Variants in B4GALT5 observed in about 807,000 individuals in gnomAD.
The protein encoded by B4GALT5 is beta-1,4-galactosyltransferase 5.
A neutral mutation model predicts 45.0 loss-of-function variants in B4GALT5; 11 were observed. The observed-to-expected ratio is 0.24, with a 90% CI of 0.15 to 0.40. The LOEUF (loss-of-function observed/expected upper bound fraction) is 0.40. Among genes scored for constraint, B4GALT5 ranks in the 10% least tolerant of loss-of-function variants. The pLI, the probability that B4GALT5 is intolerant of heterozygous loss-of-function variation, is 1.00. For missense variants in B4GALT5, 337 were observed against 500.2 expected (o/e 0.67, Z 3.11); for synonymous variants, 185 against 182.9 (o/e 1.01, Z -0.09).
chr20:49,676,945 CA>C (rs1231688705), intron 1 of B4GALT5, among the ~76,000 whole-genome samples: 1 of 152,160 alleles, frequency 6.6e-6, no homozygotes, highest in African/African-American at 2.4e-5. Context: ...GTAATCATTC[CA>C]AAATTATGGG....
At chr20:49,664,421 T>TAC (rs55990435) in intron 1 of B4GALT5, among the ~76,000 whole-genome samples, 22,122 of 128,640 alleles carry the variant, frequency 0.17, 1,910 homozygotes, top group East Asian at 0.3. Flanking sequence ...GGTCTCCAAA[T>TAC]ACACACACAC....
intron 2 of B4GALT5, among the ~76,000 whole-genome samples, chr20:49,655,330 C>T (rs1229250002): frequency 6.6e-6 from 1 of 151,396 alleles, no homozygotes; most frequent in Non-Finnish European, 1.5e-5. Context: ...ACTCGGGAGG[C>T]TGAGGCAGGA....
At position 49,636,157 on chromosome 20, in the gene B4GALT5, G is replaced by A. The variant is rs1212384169; in HGVS notation, c.*155C>T. ...GCTGATCCAGTGAAGGCGTTTGTGC[G>A]TGTGCTGTCACATTTTCCCCCTGAA... On this transcript the variant is annotated 3_prime_UTR_variant, in exon 9 of 9. Transcript: ENST00000371711. 2.1e-5 allele frequency: 21 copies of A among 977,748 alleles called. No homozygotes were observed. Among genetic ancestry groups the A allele is most frequent in the African/African-American group, 6.6e-5 (4 of 60,950 alleles). 60.6% of individuals were successfully genotyped at this position (977,748 alleles called of 1,614,324 possible).
At chr20:49,680,734 T>C (rs2085760517) in intron 1 of B4GALT5, among the ~76,000 whole-genome samples, 1 of 152,130 alleles carries the variant, frequency 6.6e-6, no homozygotes, top group African/African-American at 2.4e-5. Flanking sequence ...TTGCGTAATA[T>C]TGAGAATGTA....
intron 1 of B4GALT5, among the ~76,000 whole-genome samples, chr20:49,711,961 G>A (rs2085914268): frequency 6.6e-6 from 1 of 152,144 alleles, no homozygotes; most frequent in Non-Finnish European, 1.5e-5. Flanking sequence ...TTTCCCTACA[G>A]CTAAACCATC....
chr20:49,712,621 G>T lies in B4GALT5; in HGVS notation c.115+955C>A, dbSNP rs535116317. On this transcript the variant is annotated intron_variant, in intron 1 of 8. Coordinates refer to ENST00000371711, the MANE Select transcript of B4GALT5 (RefSeq NM_004776.4). ...GCCCCAATCATATCCCCTTCTCTACGGACAATTTAAACTTCTCCTTTGTCC... is the reference window on the plus strand; with the variant it reads ...GCCCCAATCATATCCCCTTCTCTACTGACAATTTAAACTTCTCCTTTGTCC... Among the ~76,000 whole-genome samples, 15 of 152,106 alleles carry T rather than the reference G, an allele frequency of 9.9e-5. No homozygotes were observed. In the East Asian group the frequency reaches 2.9e-3, roughly 29 times the overall value.
intron 2 of B4GALT5, among the ~76,000 whole-genome samples, chr20:49,654,315 C>T (rs1187038036): frequency 6.6e-6 from 1 of 152,168 alleles, no homozygotes; most frequent in South Asian, 2.1e-4. Flanking sequence ...ACTGACAGAG[C>T]CACATGAGTC....
intron 2 of B4GALT5, among the ~76,000 whole-genome samples, chr20:49,647,726 C>T (rs1016585253): frequency 2.6e-5 from 4 of 152,240 alleles, no homozygotes; most frequent in Non-Finnish European, 5.9e-5. Context: ...TTCAACACCA[C>T]GCCTTTCACC....
chr20:49,664,783 G>A (rs1029778834), intron 1 of B4GALT5, among the ~76,000 whole-genome samples: 1 of 152,166 alleles, frequency 6.6e-6, no homozygotes, highest in Non-Finnish European at 1.5e-5. Flanking sequence ...GCATCATGAT[G>A]TCTACAACTT....
At position 49,677,734 on chromosome 20, in the gene B4GALT5, TTTGA is replaced by T. The variant is rs558771877; in HGVS notation, c.116-21036_116-21033del. On this transcript the variant is annotated intron_variant, in intron 1 of 8. Transcript: ENST00000371711. ...ATTTGGCTGTGAGAGGTGAAATATC[TTTGA>T]TTGATTGATTGATTGATTGATTTTT... 2.8e-4 allele frequency among the ~76,000 whole-genome samples: 43 copies of T among 152,248 alleles called. 1 individual carries two copies. In the East Asian group the frequency reaches 4.3e-3, roughly 15 times the overall value.
At chr20:49,692,370 G>C (rs1419489098) in intron 1 of B4GALT5, among the ~76,000 whole-genome samples, 3 of 151,944 alleles carry the variant, frequency 2.0e-5, no homozygotes, top group South Asian at 4.2e-4. Flanking sequence ...AGGAGGCTGA[G>C]GCAGGAGGAT....
At chr20:49,637,112 T>C (rs921917261) in intron 8 of B4GALT5, among the ~76,000 whole-genome samples, 8 of 152,116 alleles carry the variant, frequency 5.3e-5, no homozygotes, top group Non-Finnish European at 7.4e-5. Context: ...GCTGAAGACA[T>C]AGGACAAGTG....
chr20:49,702,118 C>T (rs1041806389), intron 1 of B4GALT5, among the ~76,000 whole-genome samples: 3 of 152,154 alleles, frequency 2.0e-5, no homozygotes, highest in African/African-American at 4.8e-5. Flanking sequence ...TCCCTATCTT[C>T]GAAATCATCA....
intron 1 of B4GALT5, among the ~76,000 whole-genome samples, chr20:49,665,226 T>C (rs1393289718): frequency 6.6e-6 from 1 of 151,858 alleles, no homozygotes; most frequent in Admixed American, 6.6e-5. Context: ...GAGAACAGCC[T>C]GGGCTGTTCC....
In B4GALT5 at chr20:49,663,810, G is replaced by A. The variant is rs1270304661; in HGVS notation, c.116-7108C>T. Among the ~76,000 whole-genome samples the A allele has an allele frequency of 2.0e-5, 3 of 148,196 alleles. No individual in the cohort carries two copies. The East Asian group carries it at 5.9e-4, about 29-fold the overall frequency. On this transcript the variant is annotated intron_variant, in intron 1 of 8. Coordinates refer to ENST00000371711, the MANE Select transcript of B4GALT5 (RefSeq NM_004776.4). The stretch of plus-strand genomic sequence containing the variant: ...ACATTGTACTGAAAACACAACCAAC[G>A]GAAAAGTACTCCGATACATTCTTTG...
intron 1 of B4GALT5, chr20:49,684,689 C>A: frequency 1.9e-6 from 1 of 515,166 alleles, no homozygotes; most frequent in Non-Finnish European, 3.9e-6. Context: ...TACCTGCAGA[C>A]TTAAACGACA....
At chr20:49,707,740 G>A (rs183815105) in intron 1 of B4GALT5, among the ~76,000 whole-genome samples, 4 of 152,084 alleles carry the variant, frequency 2.6e-5, no homozygotes, top group Admixed American at 2.0e-4. Flanking sequence ...TCAGCCTCCC[G>A]AGTAGCTGGG....
At chr20:49,649,301 G>A (rs2123007734) in intron 2 of B4GALT5, among the ~76,000 whole-genome samples, 1 of 152,312 alleles carries the variant, frequency 6.6e-6, no homozygotes, top group Non-Finnish European at 1.5e-5. Flanking sequence ...AAACCAGGCT[G>A]GGTGGGGTGG....
At chr20:49,655,547 C>A (rs1288744532) in intron 2 of B4GALT5, among the ~76,000 whole-genome samples, 1 of 152,184 alleles carries the variant, frequency 6.6e-6, no homozygotes, top group Admixed American at 6.5e-5. Context: ...TAAAAACCAT[C>A]CCTGGCTGGA....
Sources: allele counts gnomAD v4.1 joint callset (sites outside exome capture counted in the v4.1 genomes callset), GRCh38; gene constraint gnomAD v4.1.1; transcripts MANE v1.5; gene names NCBI Gene and HGNC (gene_info 2026-07-23, HGNC 2026-07-21).